Variants in IL19 observed in about 807,000 individuals in gnomAD.
The protein encoded by IL19 is interleukin-19.
A neutral mutation model predicts 19.5 loss-of-function variants in IL19; 15 were observed. That is an observed-to-expected ratio of 0.77 (90% confidence interval 0.52 to 1.19). The LOEUF (loss-of-function observed/expected upper bound fraction) is 1.19. Among genes scored for constraint, IL19 ranks in the 50% most tolerant of loss-of-function variants. The probability of loss-of-function intolerance (pLI) is 0.00; values close to 1 mark genes in which losing one functional copy is unlikely to be tolerated. For missense variants in IL19, 199 were observed against 213.1 expected (o/e 0.93, Z 0.41); for synonymous variants, 78 against 78.3 (o/e 1.00, Z 0.02).
intron 1 of IL19, among the ~76,000 whole-genome samples, chr1:206,777,506 T>C (rs1218224528): frequency 6.6e-6 from 1 of 152,220 alleles, no homozygotes; most frequent in Non-Finnish European, 1.5e-5. Flanking sequence ...ACTGCAATTC[T>C]GCAGCTCAAA....
intron 1 of IL19, among the ~76,000 whole-genome samples, chr1:206,798,015 CAG>C (rs1231326828): frequency 6.6e-6 from 1 of 152,244 alleles, no homozygotes; most frequent in African/African-American, 2.4e-5. Context: ...AGTCCTTTCT[CAG>C]AGAGCCCAGC....
At chr1:206,791,781 G>A (rs775650731) in intron 1 of IL19, among the ~76,000 whole-genome samples, 28 of 152,290 alleles carry the variant, frequency 1.8e-4, no homozygotes, top group Admixed American at 1.2e-3. Context: ...TAAAAGCCCC[G>A]TTTTCTTAAA....
intron 2 of IL19, among the ~76,000 whole-genome samples, chr1:206,832,835 T>G (rs1371802337): frequency 6.6e-6 from 1 of 152,190 alleles, no homozygotes; most frequent in Non-Finnish European, 1.5e-5. Flanking sequence ...ACCATTTTAT[T>G]ATGTCCAAGA....
At chr1:206,773,405 T>G (rs1674911179) in intron 1 of IL19, among the ~76,000 whole-genome samples, 1 of 152,198 alleles carries the variant, frequency 6.6e-6, no homozygotes, top group Non-Finnish European at 1.5e-5. Flanking sequence ...GCCTTAGAGT[T>G]TCTTTTAGTT....
chr1:206,811,260 T>G (rs895882212), intron 2 of IL19, among the ~76,000 whole-genome samples: 3 of 151,818 alleles, frequency 2.0e-5, no homozygotes, highest in Middle Eastern at 3.2e-3. Context: ...ATAAAAAGTT[T>G]GGTGACCCCC....
At chr1:206,795,290 G>A (rs1164493191) in intron 1 of IL19, among the ~76,000 whole-genome samples, 1 of 152,218 alleles carries the variant, frequency 6.6e-6, no homozygotes, top group African/African-American at 2.4e-5. Flanking sequence ...CCACCTTCTT[G>A]AACATTTCAG....
At chr1:206,781,354 G>T (rs984700631) in intron 1 of IL19, among the ~76,000 whole-genome samples, 5 of 140,940 alleles carry the variant, frequency 3.5e-5, no homozygotes, top group African/African-American at 1.3e-4. Context: ...GGCTGAGGCT[G>T]CAGTGAGCAG....
At position 206,798,948 on chromosome 1, in the gene IL19, A is replaced by C. The variant is rs758774648; in HGVS notation, c.-61A>C. 1 of 1,614,012 alleles carries C rather than the reference A, an allele frequency of 6.2e-7. No homozygotes were observed. Among genetic ancestry groups the C allele is most frequent in the South Asian group, 1.1e-5 (1 of 91,070 alleles). ...GATCTGCGTGTTCCTTACCACTCACACATGTGCACACACATATCCATGTGT... is the reference window on the plus strand; with the variant it reads ...GATCTGCGTGTTCCTTACCACTCACCCATGTGCACACACATATCCATGTGT... On this transcript the variant is annotated 5_prime_UTR_variant, in exon 2 of 7. Coordinates refer to ENST00000659997, the MANE Select transcript of IL19 (RefSeq NM_153758.5).
At position 206,827,922 on chromosome 1, in the gene IL19, A is replaced by G. The variant is rs138858792; in HGVS notation, c.-2-8739A>G. Among the ~76,000 whole-genome samples, 407 of 152,354 alleles carry G rather than the reference A, an allele frequency of 2.7e-3. 1 individual carries two copies. The highest frequency in any genetic ancestry group is 4.0e-3 in the Non-Finnish European group (269 of 68,032). On this transcript the variant is annotated intron_variant, in intron 2 of 6. Transcript: ENST00000659997. ...CCAAGTCTCATCTTCCTTATCCAAA[A>G]TGATGGACACAAAAATAGTATTGAC...
At chr1:206,800,954 G>A (rs996054452) in intron 2 of IL19, among the ~76,000 whole-genome samples, 2 of 152,172 alleles carry the variant, frequency 1.3e-5, no homozygotes, top group Non-Finnish European at 2.9e-5. Context: ...AAGGCCTTAG[G>A]ATGAGACATT....
chr1:206,772,585 A>C, intron 1 of IL19: 1 of 743,462 alleles, frequency 1.3e-6, no homozygotes. Flanking sequence ...TTCCCGGCAC[A>C]GGATTTTTTC....
At chr1:206,840,868 C>A in intron 5 of IL19, 136 bp from the exon 6 acceptor site, 1 of 708,148 alleles carries the variant, frequency 1.4e-6, no homozygotes, top group South Asian at 1.7e-5. Flanking sequence ...TCCGTGGCTG[C>A]TCCCACCTGA....
chr1:206,833,582 G>A (rs1304637901), intron 2 of IL19: 8 of 752,454 alleles, frequency 1.1e-5, no homozygotes, highest in African/African-American at 1.9e-5. Flanking sequence ...CCCCAAACCT[G>A]ATCCCTAGAG....
At chr1:206,810,931 T>C (rs1262946123) in intron 2 of IL19, among the ~76,000 whole-genome samples, 1 of 152,196 alleles carries the variant, frequency 6.6e-6, no homozygotes, top group Non-Finnish European at 1.5e-5. Flanking sequence ...TATCTCACCA[T>C]GTAACATGCC....
intron 1 of IL19, among the ~76,000 whole-genome samples, chr1:206,793,807 C>T (rs6683473): frequency 0.19 from 29,021 of 152,224 alleles, 3,044 homozygotes; most frequent in Non-Finnish European, 0.23. Context: ...GATAACACCT[C>T]GGTGGCTTCC....
At chr1:206,837,618 G>A (rs568164120) in intron 4 of IL19, among the ~76,000 whole-genome samples, 1 of 112,700 alleles carries the variant, frequency 8.9e-6, no homozygotes, top group South Asian at 3.7e-4. Context: ...GGAGGCTGAG[G>A]CTGGTAGGAT....
intron 6 of IL19, among the ~76,000 whole-genome samples, chr1:206,841,406 C>T (rs533797260): frequency 3.9e-5 from 6 of 152,324 alleles, no homozygotes; most frequent in East Asian, 3.9e-4. Flanking sequence ...TGAGCTGTTA[C>T]GCCTGAAACG....
At chr1:206,791,936 T>G (rs145516073) in intron 1 of IL19, among the ~76,000 whole-genome samples, 1 of 152,204 alleles carries the variant, frequency 6.6e-6, no homozygotes, top group African/African-American at 2.4e-5. Flanking sequence ...TGCATGTGTG[T>G]GTGTGTGTGC....
At chr1:206,838,184 C>T (rs931464481) in intron 4 of IL19, among the ~76,000 whole-genome samples, 2 of 152,150 alleles carry the variant, frequency 1.3e-5, no homozygotes, top group African/African-American at 2.4e-5. Context: ...ATCATCTAGA[C>T]AGGAGGTGAT....
Sources: allele counts gnomAD v4.1 joint callset (sites outside exome capture counted in the v4.1 genomes callset), GRCh38; gene constraint gnomAD v4.1.1; transcripts MANE v1.5; gene names NCBI Gene and HGNC (gene_info 2026-07-23, HGNC 2026-07-21).